Variants in TENM1 observed in about 807,000 individuals in gnomAD.
TENM1 encodes the protein teneurin-1.
In TENM1, 35 loss-of-function variants were observed where a neutral mutation model predicts 174.8. That is an observed-to-expected ratio of 0.20 (90% CI 0.15 to 0.27). TENM1 has a LOEUF of 0.27. TENM1 is among the 10% of genes least tolerant of loss of function. The pLI is 1.00. For missense variants in TENM1, 1,633 were observed against 2,130.1 expected, an observed-to-expected ratio of 0.77 and a Z score of 4.59; for synonymous variants, 781 against 798.7, an observed-to-expected ratio of 0.98 and a Z score of 0.37.
At chrX:124,903,923 A>C (rs2057703573) in intron 1 of TENM1, among the ~76,000 whole-genome samples, 1 of 111,509 alleles carries the variant, frequency 9.0e-6, no homozygotes, top group African/African-American at 3.3e-5. Context: ...CATTTCTTAC[A>C]TGTGCTGGCC....
chrX:124,904,994 G>A (rs2057723488), intron 1 of TENM1, among the ~76,000 whole-genome samples: 1 of 111,308 alleles, frequency 9.0e-6, no homozygotes, highest in South Asian at 3.8e-4. Flanking sequence ...CAGGAACTCA[G>A]AGAATGTTAC....
chrX:124,910,641 T>C (rs2057821594), intron 1 of TENM1, among the ~76,000 whole-genome samples: 1 of 111,641 alleles, frequency 9.0e-6, no homozygotes, highest in Non-Finnish European at 1.9e-5. Context: ...GGTTCCAAGG[T>C]TTCTCCTAGG....
intron 5 of TENM1, among the ~76,000 whole-genome samples, chrX:124,672,414 A>G (rs1176996758): frequency 9.0e-6 from 1 of 111,465 alleles, no homozygotes; most frequent in Non-Finnish European, 1.9e-5. Context: ...ACAGGTTTAA[A>G]CTGCTATCAG....
intron 3 of TENM1, among the ~76,000 whole-genome samples, chrX:124,885,750 A>G (rs1054791388): frequency 9.0e-6 from 1 of 111,302 alleles, no homozygotes; most frequent in Non-Finnish European, 1.9e-5. Flanking sequence ...CTTTTATAAC[A>G]AAAAAACTAC....
chrX:125,099,986 T>G, the TENM1 span, among the ~76,000 whole-genome samples: 2 of 111,636 alleles, frequency 1.8e-5, no homozygotes, highest in Non-Finnish European at 3.8e-5. Flanking sequence ...CCTTGGTAAT[T>G]ACTTCTAGAT....
intron 24 of TENM1, among the ~76,000 whole-genome samples, chrX:124,421,487 T>G (rs886173879): frequency 1.8e-5 from 2 of 112,104 alleles, no homozygotes; most frequent in African/African-American, 3.2e-5. Flanking sequence ...CGGGCCTGGA[T>G]GAACAGTTTA....
Position 124,462,661 on chromosome X carries a change from T to C in TENM1, c.3950-9170A>G, listed in dbSNP as rs958227259. 9.0e-5 allele frequency among the ~76,000 whole-genome samples: 10 copies of C among 111,557 alleles called. No individual in the cohort carries two copies. In the East Asian group the frequency reaches 1.4e-3, roughly 16 times the overall value. ...GTTAATGTGAATTCTCCAATCATGA[T>C]CCATGTAGGTAATAAGCTCCCTGAG... On this transcript the variant is annotated intron_variant, in intron 22 of 31. Transcript: ENST00000422452.
At chrX:124,888,316 C>T (rs745759586) in intron 3 of TENM1, among the ~76,000 whole-genome samples, 7 of 111,224 alleles carry the variant, frequency 6.3e-5, no homozygotes, top group Non-Finnish European at 1.1e-4. Context: ...CTGAACAGAA[C>T]AACATAGGGA....
chrX:124,449,035 T>C (rs186166591), intron 23 of TENM1, among the ~76,000 whole-genome samples: 131 of 111,835 alleles, frequency 1.2e-3, no homozygotes, highest in African/African-American at 4.1e-3. Flanking sequence ...ACAAATTGGA[T>C]TTACTCTTTA....
chrX:124,670,911 G>T (rs1213397165), intron 6 of TENM1, among the ~76,000 whole-genome samples: 4 of 111,265 alleles, frequency 3.6e-5, no homozygotes, highest in African/African-American at 1.3e-4. Flanking sequence ...TCAGGATATT[G>T]CTGGCTATAT....
At position 124,791,492 on chromosome X, in the gene TENM1, C is replaced by A. The variant is rs751373052; in HGVS notation, c.536-54295G>T. ...TAATGAGATTTAATTGTCTCCCATT[C>A]TTTTAATATGCATGGACAAAAAACG... On this transcript the variant is annotated intron_variant, in intron 3 of 31. Transcript: ENST00000422452. Among the ~76,000 whole-genome samples the A allele has an allele frequency of 1.2e-3, 129 of 112,107 alleles. 11 individuals carry two copies. In the South Asian group the frequency reaches 0.023, roughly 20 times the overall value.
At chrX:125,145,534 T>G in the TENM1 span, among the ~76,000 whole-genome samples, 1 of 112,694 alleles carries the variant, frequency 8.9e-6, no homozygotes, top group Non-Finnish European at 1.9e-5. Context: ...AACCATATAT[T>G]TATTTAGCAA....
chrX:124,575,579 G>T (rs748687100), intron 11 of TENM1, among the ~76,000 whole-genome samples: 15 of 111,946 alleles, frequency 1.3e-4, no homozygotes, highest in African/African-American at 4.9e-4. Flanking sequence ...ATGACTTTGA[G>T]CTTAATGTTT....
chrX:124,637,643 A>G (rs1209509169), intron 11 of TENM1, among the ~76,000 whole-genome samples: 1 of 111,577 alleles, frequency 9.0e-6, no homozygotes, highest in Non-Finnish European at 1.9e-5. Context: ...GCTCCTAGGC[A>G]TGGCATACAG....
At chrX:124,675,316 A>G (rs1237820220) in intron 5 of TENM1, among the ~76,000 whole-genome samples, 1 of 111,389 alleles carries the variant, frequency 9.0e-6, no homozygotes, top group East Asian at 2.8e-4. Flanking sequence ...TATCAGATAT[A>G]AACAACTAAT....
chrX:125,083,832 C>T, the TENM1 span, among the ~76,000 whole-genome samples: 157 of 110,727 alleles, frequency 1.4e-3, no homozygotes, highest in African/African-American at 4.6e-3. Context: ...GGTCTTATTG[C>T]CCTGTTAGCC....
the TENM1 span, among the ~76,000 whole-genome samples, chrX:124,990,390 A>T: frequency 7.1e-5 from 8 of 113,106 alleles, no homozygotes; most frequent in Admixed American, 1.9e-4. Context: ...AGGCTTAGCC[A>T]TTTGTTTTTG....
chrX:125,053,341 C>T, the TENM1 span, among the ~76,000 whole-genome samples: 1 of 111,464 alleles, frequency 9.0e-6, no homozygotes, highest in African/African-American at 3.3e-5. Flanking sequence ...GTTTACTAGC[C>T]ATATAAGCTT....
chrX:124,387,487 T>A (rs1301995520), intron 28 of TENM1, among the ~76,000 whole-genome samples: 1 of 111,951 alleles, frequency 8.9e-6, no homozygotes, highest in African/African-American at 3.2e-5. Flanking sequence ...AGCAAAGAGA[T>A]TTAGTTGAGG....
Sources: allele counts gnomAD v4.1 joint callset (sites outside exome capture counted in the v4.1 genomes callset), GRCh38; gene constraint gnomAD v4.1.1; transcripts MANE v1.5; gene names NCBI Gene and HGNC (gene_info 2026-07-23, HGNC 2026-07-21).